Variants in KCNIP4 observed in about 807,000 individuals in gnomAD.
KCNIP4 encodes the protein potassium voltage-gated channel interacting protein 4, also known as Kv channel-interacting protein 4.
In KCNIP4, 12 loss-of-function variants were observed where a neutral mutation model predicts 34.0. The observed-to-expected ratio is 0.35, with a 90% CI of 0.23 to 0.57. The LOEUF (loss-of-function observed/expected upper bound fraction) is 0.57. Ranked by LOEUF, KCNIP4 falls within the 20% of genes least tolerant of loss-of-function variation. The probability of loss-of-function intolerance (pLI) is 0.83; values close to 1 mark genes in which losing one functional copy is unlikely to be tolerated. For synonymous variants in KCNIP4, 124 were observed against 102.2 expected, an observed-to-expected ratio of 1.21 and a Z score of -1.29; for missense variants, 238 against 311.7, an observed-to-expected ratio of 0.76 and a Z score of 1.78.
intron 1 of KCNIP4, among the ~76,000 whole-genome samples, chr4:21,365,973 T>G (rs1347470245): frequency 6.6e-6 from 1 of 152,224 alleles, no homozygotes; most frequent in Non-Finnish European, 1.5e-5. Flanking sequence ...AAACTATGAA[T>G]AAGTGATTAA....
At chr4:20,874,683 C>CT (rs200107431) in intron 2 of KCNIP4, among the ~76,000 whole-genome samples, 20,089 of 138,354 alleles carry the variant, frequency 0.15, 1,489 homozygotes, top group Middle Eastern at 0.21. Flanking sequence ...CACTTCATCT[C>CT]TTTTTTTTTT....
At chr4:20,791,130 T>C (rs1712696536) in intron 3 of KCNIP4, among the ~76,000 whole-genome samples, 1 of 152,150 alleles carries the variant, frequency 6.6e-6, no homozygotes, top group South Asian at 2.1e-4. Flanking sequence ...TCATAAATAA[T>C]GCAAGTTAGA....
At chr4:21,480,074 A>G (rs1004422100) in intron 1 of KCNIP4, among the ~76,000 whole-genome samples, 2 of 151,688 alleles carry the variant, frequency 1.3e-5, no homozygotes, top group South Asian at 4.2e-4. Context: ...GAAAATTTAA[A>G]TTAATCACAT....
At chr4:21,310,011 A>C (rs2109270005) in intron 1 of KCNIP4, among the ~76,000 whole-genome samples, 1 of 152,252 alleles carries the variant, frequency 6.6e-6, no homozygotes, top group African/African-American at 2.4e-5. Context: ...CCAATGGAGA[A>C]GAAAACTAGT....
chr4:21,551,151 T>C (rs1463242070), intron 1 of KCNIP4, among the ~76,000 whole-genome samples: 1 of 152,134 alleles, frequency 6.6e-6, no homozygotes, highest in East Asian at 1.9e-4. Context: ...ATAAAAACAT[T>C]AGTTAATATA....
chr4:20,766,976 A>G (rs1271750811), intron 3 of KCNIP4: 1 of 152,176 alleles, frequency 6.6e-6, no homozygotes, highest in Non-Finnish European at 1.5e-5. Context: ...GAGAGCTGCT[A>G]TAAGAATGAA....
intron 1 of KCNIP4, among the ~76,000 whole-genome samples, chr4:21,591,124 T>G (rs1380214105): frequency 6.6e-6 from 1 of 151,954 alleles, no homozygotes; most frequent in Non-Finnish European, 1.5e-5. Context: ...GGACAAATAG[T>G]GCCTGCATTT....
rs1300654452 is a variant in KCNIP4, at chr4:21,297,902, C to T, written c.62-415193G>A. ...CATACTGTGTATGACTTTTATGTATCTCTGTATGTTTTATCTTACTTGGGA... is the reference window on the plus strand; with the variant it reads ...CATACTGTGTATGACTTTTATGTATTTCTGTATGTTTTATCTTACTTGGGA... On this transcript the variant is annotated intron_variant, in intron 1 of 8. Transcript: ENST00000382152. Among the ~76,000 whole-genome samples, 3 of 152,002 alleles carry T rather than the reference C, an allele frequency of 2.0e-5. No homozygotes were observed. The East Asian group carries it at 5.8e-4, about 29-fold the overall frequency.
At chr4:21,413,455 A>G (rs556353642) in intron 1 of KCNIP4, among the ~76,000 whole-genome samples, 2 of 152,220 alleles carry the variant, frequency 1.3e-5, no homozygotes, top group Non-Finnish European at 2.9e-5. Context: ...GCACCTTAAA[A>G]AAATCCAGAT....
intron 1 of KCNIP4, among the ~76,000 whole-genome samples, chr4:21,518,605 C>T (rs1241877840): frequency 6.6e-6 from 1 of 152,058 alleles, no homozygotes; most frequent in African/African-American, 2.4e-5. Context: ...GCCATTACCA[C>T]GGCGGATGAA....
chr4:21,869,408 A>G (rs1725627700), intron 1 of KCNIP4, among the ~76,000 whole-genome samples: 1 of 152,094 alleles, frequency 6.6e-6, no homozygotes, highest in East Asian at 1.9e-4. Context: ...TCTAAATTGC[A>G]TTATTTGACA....
chr4:21,043,878 A>G (rs1742179571), intron 1 of KCNIP4, among the ~76,000 whole-genome samples: 1 of 152,164 alleles, frequency 6.6e-6, no homozygotes, highest in Non-Finnish European at 1.5e-5. Flanking sequence ...CCTCAAATCT[A>G]TTGAACACTG....
In KCNIP4 at chr4:21,260,019, G is replaced by T. The variant is rs952092345; in HGVS notation, c.62-377310C>A. On this transcript the variant is annotated intron_variant, in intron 1 of 8. Transcript: ENST00000382152. ...TTTCTTATCAGACCTCTTTATAAGT[G>T]ACCAATTTAAAGCTGAAGATGCATT... Among the ~76,000 whole-genome samples the T allele has an allele frequency of 3.3e-5, 5 of 152,134 alleles. No homozygotes were observed. The South Asian group carries it at 1.0e-3, about 32-fold the overall frequency.
intron 1 of KCNIP4, among the ~76,000 whole-genome samples, chr4:21,415,099 C>G (rs1035288314): frequency 9.9e-5 from 15 of 152,106 alleles, no homozygotes; most frequent in Admixed American, 7.2e-4. Context: ...CCCATTCCCC[C>G]CCAGTCCCCA....
chr4:21,133,373 A>G (rs1751242775), intron 1 of KCNIP4, among the ~76,000 whole-genome samples: 1 of 152,260 alleles, frequency 6.6e-6, no homozygotes, highest in Non-Finnish European at 1.5e-5. Flanking sequence ...GTCAGGGCAG[A>G]TTATTGAGGC....
chr4:21,133,950 T>C (rs1299549849), intron 1 of KCNIP4, among the ~76,000 whole-genome samples: 1 of 152,174 alleles, frequency 6.6e-6, no homozygotes, highest in Non-Finnish European at 1.5e-5. Context: ...ATCTTTCGAC[T>C]TCCCTTCTGC....
intron 1 of KCNIP4, among the ~76,000 whole-genome samples, chr4:21,352,357 A>T (rs1248180212): frequency 6.6e-6 from 1 of 152,132 alleles, no homozygotes; most frequent in Non-Finnish European, 1.5e-5. Flanking sequence ...GGGTCAGGAG[A>T]TTTCCCTTTC....
intron 3 of KCNIP4, among the ~76,000 whole-genome samples, chr4:20,839,537 T>TAC (rs1491097163): frequency 6.7e-6 from 1 of 149,210 alleles, no homozygotes; most frequent in African/African-American, 2.4e-5. Context: ...AAAGCAAATT[T>TAC]ATATATATAT....
intron 1 of KCNIP4, among the ~76,000 whole-genome samples, chr4:21,212,907 T>C (rs1757320715): frequency 6.6e-6 from 1 of 151,332 alleles, no homozygotes; most frequent in African/African-American, 2.4e-5. Context: ...GTGTAAGGCA[T>C]AGATATGCAT....
Sources: gnomAD v4.1 joint callset for allele counts (sites outside exome capture counted in the v4.1 genomes callset) on GRCh38, gnomAD v4.1.1 for gene constraint, MANE v1.5 for transcripts, NCBI Gene and HGNC (gene_info 2026-07-23, HGNC 2026-07-21) for gene names.